PGS1: variants seen among roughly 807,000 people sequenced by gnomAD.
The protein encoded by PGS1 is phosphatidylglycerophosphate synthase 1.
In PGS1, 44 loss-of-function variants were observed where a neutral mutation model predicts 58.3. The observed-to-expected ratio is 0.75, with a 90% CI of 0.59 to 0.97. The LOEUF (loss-of-function observed/expected upper bound fraction) is 0.97. Among genes scored for constraint, PGS1 ranks in the 50% least tolerant of loss-of-function variants. The probability of loss-of-function intolerance (pLI) is 0.00; values close to 1 mark genes in which losing one functional copy is unlikely to be tolerated. For missense variants in PGS1, 684 were observed against 731.1 expected (o/e 0.94, Z 0.74); for synonymous variants, 330 against 311.0 (o/e 1.06, Z -0.64).
intron 7 of PGS1, among the ~76,000 whole-genome samples, chr17:78,410,578 ATTC>A (rs1419730037): frequency 7.4e-6 from 1 of 135,154 alleles, no homozygotes; most frequent in Non-Finnish European, 1.5e-5. Context: ...GGTTTAAGCC[ATTC>A]TTCTGCTTCA....
At chr17:78,416,713 G>A (rs1207901627) in intron 8 of PGS1, among the ~76,000 whole-genome samples, 3 of 152,232 alleles carry the variant, frequency 2.0e-5, no homozygotes, top group African/African-American at 7.2e-5. Flanking sequence ...GTCTGCTACT[G>A]TAGCTCTTCC....
At position 78,378,756 on chromosome 17, in the gene PGS1, C is replaced by A. The variant is rs369995098; in HGVS notation, c.91C>A (p.Leu31Met). The change falls in exon 1 of 10, where the codon CTG (leucine) becomes ATG (methionine). Residue 31 changes from leucine (L) to methionine (M), a missense_variant. Leu to Met is a conservative substitution (Grantham distance 15). Coordinates refer to ENST00000262764, the MANE Select transcript of PGS1 (RefSeq NM_024419.5). ...TGGCCGCCCAGGGCTGGCCGCGCTCCTGGGACGCCTGTCCGACCGCCTCGG... is the reference window on the plus strand; with the variant it reads ...TGGCCGCCCAGGGCTGGCCGCGCTCATGGGACGCCTGTCCGACCGCCTCGG... ...LPGRPGLAALLGRLSDRLGRN... is the reference protein window; with the variant it reads ...LPGRPGLAALMGRLSDRLGRN... 1 of 1,498,682 alleles carries A rather than the reference C, an allele frequency of 6.7e-7. No homozygotes were observed. The highest frequency in any genetic ancestry group is 2.2e-5 in the Admixed American group (1 of 46,456). The allele number at this position is 1,498,682 out of a possible 1,614,324, so 92.8% of individuals were successfully genotyped here. A position where few individuals can be genotyped will look rare whatever the true frequency, so the allele number is the denominator to read the frequency against.
At chr17:78,415,154 A>C in intron 8 of PGS1, 127 bp downstream of exon 8, 1 of 1,080,378 alleles carries the variant, frequency 9.3e-7, no homozygotes, top group Non-Finnish European at 1.3e-6. Flanking sequence ...GAGCAGAGCA[A>C]GAAAGACTCT....
Position 78,400,875 on chromosome 17 carries a change from C to T in PGS1, c.880+20C>T. Reference sequence around the variant, plus strand: ...ACAAAGGTAGGGGCTGCCGCTGACACCCTTCTATGGCTGTGGGTGGGGTGG... The same window carrying T: ...ACAAAGGTAGGGGCTGCCGCTGACATCCTTCTATGGCTGTGGGTGGGGTGG... On this transcript the variant is annotated intron_variant, in intron 6 of 9. Transcript: ENST00000262764. This position sits in a 1 kb window ranked among gnomAD's most constrained non-coding sequence, Gnocchi z 4.4. The T allele has an allele frequency of 6.4e-7, 1 of 1,562,692 alleles. No homozygotes were observed. The highest frequency in any genetic ancestry group is 8.7e-7 in the Non-Finnish European group (1 of 1,149,780).
intron 1 of PGS1, among the ~76,000 whole-genome samples, chr17:78,380,310 ACATCTAGTACAGAGATCTGGGGTCCAGT>A (rs1211799216): frequency 2.0e-5 from 3 of 152,328 alleles, no homozygotes; most frequent in Admixed American, 2.0e-4. Flanking sequence ...CTGGGGTCAG[ACATCTAGTACAGAGATCTGGGGTCCAGT>A]CATGTGTACT....
intron 1 of PGS1, among the ~76,000 whole-genome samples, chr17:78,385,522 G>A (rs906016450): frequency 1.3e-5 from 2 of 152,106 alleles, no homozygotes; most frequent in Admixed American, 6.6e-5. Flanking sequence ...ATCTCCTGAC[G>A]TCGTGATCCG....
In PGS1 at chr17:78,414,889, G is replaced by A. The variant is rs771473961; in HGVS notation, c.1413G>A (p.Leu471=). The change falls in exon 8 of 10, where the codon CTG becomes CTA. Residue 471 remains leucine, a synonymous_variant. Coordinates refer to ENST00000262764, the MANE Select transcript of PGS1 (RefSeq NM_024419.5). ...TCCTTTTCCCCGCAGGCCTCTGGCT[G>A]TACCTGGCAGGGAGCAGCCTGCCCT... The part of the protein sequence containing the change: ...GWTFHAKGLW[L]YLAGSSLPCL... 1.2e-6 allele frequency: 2 copies of A among 1,614,136 alleles called. No homozygotes were observed. Among genetic ancestry groups the A allele is most frequent in the Non-Finnish European group, 1.7e-6 (2 of 1,179,988 alleles).
chr17:78,411,503 C>T (rs1049507743), intron 7 of PGS1, among the ~76,000 whole-genome samples: 3 of 152,196 alleles, frequency 2.0e-5, no homozygotes, highest in African/African-American at 7.2e-5. Context: ...TCTGCTTCCC[C>T]TGCACCCTGC....
In PGS1 at chr17:78,419,995, C is replaced by T. The variant is rs1043486893; in HGVS notation, c.*10+320C>T. On this transcript the variant is annotated intron_variant, in intron 9 of 9. Coordinates refer to ENST00000262764, the MANE Select transcript of PGS1 (RefSeq NM_024419.5). ...TCCTGAAGAAGCCCTGGGGCAAGGG[C>T]TCAGGGATGAGGGGGCAGAAAGGCA... is the stretch of plus-strand genomic sequence containing the variant. The T allele has an allele frequency of 5.2e-6, 6 of 1,160,562 alleles. No homozygotes were observed. The African/African-American group carries it at 9.6e-5, about 19-fold the overall frequency. The allele number at this position is 1,160,562 out of a possible 1,614,324, so 71.9% of individuals were successfully genotyped here. A position where few individuals can be genotyped will look rare whatever the true frequency, so the allele number is the denominator to read the frequency against.
intron 1 of PGS1, among the ~76,000 whole-genome samples, chr17:78,391,043 C>T (rs572431972): frequency 2.0e-5 from 3 of 152,090 alleles, no homozygotes; most frequent in Non-Finnish European, 2.9e-5. Context: ...CAGGTTTAAG[C>T]GATTCTCCTG....
chr17:78,378,959 G>A (rs1007003885), intron 1 of PGS1, 151 bp downstream of exon 1: 1 of 857,626 alleles, frequency 1.2e-6, no homozygotes, highest in African/African-American at 1.8e-5. Flanking sequence ...CTCGGCGCCT[G>A]ACCTATGTGC....
chr17:78,420,773 T>A (rs2085657407), intron 9 of PGS1: 1 of 152,262 alleles, frequency 6.6e-6, no homozygotes, highest in Non-Finnish European at 1.5e-5. Flanking sequence ...AAAACAATAC[T>A]GCGGCCATTT....
chr17:78,392,168 G>A (rs985604875), intron 1 of PGS1, among the ~76,000 whole-genome samples: 1 of 152,160 alleles, frequency 6.6e-6, no homozygotes, highest in Non-Finnish European at 1.5e-5. Context: ...ACTTGTGGAT[G>A]CTCTAAATTT....
Position 78,399,446 on chromosome 17 carries a change from CT to C in PGS1, c.612del (p.Arg205GlyfsTer28). On this transcript the variant is annotated frameshift_variant, in exon 5 of 10. Transcript: ENST00000262764. LOFTEE classifies it high-confidence loss of function. The part of the protein sequence containing the change: ...LFHTPHLRGL[L>X]RLLIPERFNE... ...TCACACGCCGCACCTCCGTGGGCTG[CT>C]TCGGCTCCTCATCCCTGAGCGCTTC... The C allele has an allele frequency of 6.2e-7, 1 of 1,614,172 alleles. No individual in the cohort carries two copies. The highest frequency in any genetic ancestry group is 8.5e-7 in the Non-Finnish European group (1 of 1,180,024).
rs955663370 is a variant in PGS1, at chr17:78,417,977, T to C, written c.1552-1569T>C. ...TGGAGTCTTGTTCTGTCGCCCAGGC[T>C]GGAGTGCAGTGGCACGATCTCGGCT... On this transcript the variant is annotated intron_variant, in intron 8 of 9. Coordinates refer to ENST00000262764, the MANE Select transcript of PGS1 (RefSeq NM_024419.5). Among the ~76,000 whole-genome samples the C allele has an allele frequency of 2.0e-5, 3 of 148,998 alleles. No individual in the cohort carries two copies. In the Admixed American group the frequency reaches 2.0e-4, roughly 10 times the overall value.
chr17:78,396,159 A>G (rs921151985), intron 2 of PGS1, 149 bp from the exon 3 acceptor site: 5 of 646,318 alleles, frequency 7.7e-6, no homozygotes, highest in Non-Finnish European at 1.4e-5. Flanking sequence ...GTTACCATAC[A>G]CGTTTCGAGC....
chr17:78,412,342 G>A (rs572302430), intron 7 of PGS1, among the ~76,000 whole-genome samples: 6 of 152,270 alleles, frequency 3.9e-5, no homozygotes, highest in Admixed American at 1.3e-4. Context: ...TGTTGAAAAC[G>A]TGAGCTACCT....
chr17:78,405,135 T>G (rs1344345410), intron 7 of PGS1, among the ~76,000 whole-genome samples: 5 of 151,748 alleles, frequency 3.3e-5, no homozygotes, highest in Non-Finnish European at 1.5e-5. Context: ...GTAGCTGAGA[T>G]TACAGGCATG....
intron 1 of PGS1, among the ~76,000 whole-genome samples, chr17:78,379,431 A>T (rs1399920017): frequency 6.6e-6 from 1 of 152,202 alleles, no homozygotes; most frequent in East Asian, 1.9e-4. Context: ...GTAAATGATG[A>T]AGTAGGCTTT....
Sources: allele counts gnomAD v4.1 joint callset (sites outside exome capture counted in the v4.1 genomes callset), GRCh38; gene constraint gnomAD v4.1.1; non-coding constraint Gnocchi (gnomAD v3.1); transcripts MANE v1.5; gene names NCBI Gene and HGNC (gene_info 2026-07-23, HGNC 2026-07-21).